C9orf153: variants seen among roughly 807,000 people sequenced by gnomAD.
C9orf153 encodes the protein uncharacterized protein C9orf153.
A neutral mutation model predicts 9.0 loss-of-function variants in C9orf153; 10 were observed. The observed-to-expected ratio is 1.11, with a 90% CI of 0.69 to 1.89. The LOEUF (loss-of-function observed/expected upper bound fraction) is 1.89. Ranked by LOEUF, C9orf153 falls within the 40% of genes most tolerant of loss-of-function variation. C9orf153 has a pLI of 0.00. For synonymous variants in C9orf153, 35 were observed against 37.3 expected, an observed-to-expected ratio of 0.94 and a Z score of 0.23; for missense variants, 108 against 111.0, an observed-to-expected ratio of 0.97 and a Z score of 0.12.
At chr9:86,231,778 G>A (rs1437785061) in intron 1 of C9orf153, among the ~76,000 whole-genome samples, 1 of 152,120 alleles carries the variant, frequency 6.6e-6, no homozygotes, top group Non-Finnish European at 1.5e-5. Flanking sequence ...ATTACAATGA[G>A]ACTTGATTGT....
chr9:86,252,617 GT>G (rs1196068376), intron 1 of C9orf153, among the ~76,000 whole-genome samples: 1 of 152,180 alleles, frequency 6.6e-6, no homozygotes, highest in African/African-American at 2.4e-5. Context: ...CTTAATTGTT[GT>G]GTTAAAATCA....
chr9:86,227,505 A>G, intron 3 of C9orf153: 1 of 1,372,702 alleles, frequency 7.3e-7, no homozygotes, highest in Non-Finnish European at 9.4e-7. Context: ...TGAGATTTCC[A>G]TTCCTTTTCT....
intron 1 of C9orf153, among the ~76,000 whole-genome samples, chr9:86,252,901 C>T (rs539996610): frequency 6.6e-6 from 1 of 152,270 alleles, no homozygotes; most frequent in African/African-American, 2.4e-5. Flanking sequence ...TTACCTGGAG[C>T]TGAACTGATA....
intron 1 of C9orf153, among the ~76,000 whole-genome samples, chr9:86,255,926 GGA>G (rs1825114307): frequency 6.6e-6 from 1 of 152,140 alleles, no homozygotes; most frequent in Non-Finnish European, 1.5e-5. Flanking sequence ...ACTTGGGGAA[GGA>G]GAACTTTGAT....
intron 1 of C9orf153, among the ~76,000 whole-genome samples, chr9:86,239,709 A>G (rs1203214185): frequency 6.6e-6 from 1 of 152,142 alleles, no homozygotes; most frequent in East Asian, 1.9e-4. Flanking sequence ...TGGTTGAACA[A>G]CTCTGTGAAT....
intron 1 of C9orf153, among the ~76,000 whole-genome samples, chr9:86,235,350 T>C (rs1824557946): frequency 6.6e-6 from 1 of 152,132 alleles, no homozygotes; most frequent in Admixed American, 6.5e-5. Flanking sequence ...TCAGAAACAC[T>C]GTCAGAGAAA....
chr9:86,242,360 T>C (rs1182217683), intron 1 of C9orf153, among the ~76,000 whole-genome samples: 1 of 42,668 alleles, frequency 2.3e-5, no homozygotes, highest in Non-Finnish European at 4.4e-5. Context: ...GCTTACATTC[T>C]TTTTTTTTTC....
intron 2 of C9orf153, chr9:86,228,762 G>C (rs1296719724): frequency 6.5e-6 from 1 of 154,070 alleles, no homozygotes; most frequent in African/African-American, 2.4e-5. Flanking sequence ...GCCCAATGCA[G>C]AGTTTTCCTT....
At position 86,221,335 on chromosome 9, in the gene C9orf153, C is replaced by T. The variant is rs1328124663; in HGVS notation, c.*353G>A. 5.0e-6 allele frequency: 1 copy of T among 199,102 alleles called. No homozygotes were observed. Among genetic ancestry groups the T allele is most frequent in the Non-Finnish European group, 9.8e-6 (1 of 101,576 alleles). The allele number at this position is 199,102 out of a possible 1,614,324, so 12.3% of individuals were successfully genotyped here. On this transcript the variant is annotated 3_prime_UTR_variant, in exon 4 of 4. Transcript: ENST00000339137. ...TCTCACGTTAGCAGATTAAATCGGA[C>T]CTTTTGCTCTGTATTAACGGCTTAA...
intron 1 of C9orf153, among the ~76,000 whole-genome samples, chr9:86,233,082 C>G (rs1351473081): frequency 6.6e-6 from 1 of 152,242 alleles, no homozygotes; most frequent in East Asian, 1.9e-4. Context: ...CCTCCCTTCC[C>G]TTCCAACAAC....
At chr9:86,240,133 T>C (rs1824698381) in intron 1 of C9orf153, among the ~76,000 whole-genome samples, 1 of 152,200 alleles carries the variant, frequency 6.6e-6, no homozygotes, top group Admixed American at 6.5e-5. Context: ...TTATCTGATT[T>C]GATCCACCCA....
At chr9:86,244,324 T>G (rs554027499) in intron 1 of C9orf153, among the ~76,000 whole-genome samples, 2 of 152,318 alleles carry the variant, frequency 1.3e-5, no homozygotes, top group South Asian at 4.1e-4. Context: ...TCCTCCCACC[T>G]CAGTCTCTTA....
At chr9:86,242,455 T>C (rs1259806265) in intron 1 of C9orf153, among the ~76,000 whole-genome samples, 1 of 152,168 alleles carries the variant, frequency 6.6e-6, no homozygotes, top group Non-Finnish European at 1.5e-5. Context: ...TAACTTACAT[T>C]TATTCTTAAA....
intron 1 of C9orf153, among the ~76,000 whole-genome samples, chr9:86,236,354 GC>G (rs1444980896): frequency 1.3e-5 from 2 of 151,846 alleles, no homozygotes; most frequent in Non-Finnish European, 2.9e-5. Flanking sequence ...TTCGAGACCA[GC>G]CTGGTCAACA....
At chr9:86,229,197 C>A (rs1824406822) in intron 2 of C9orf153, among the ~76,000 whole-genome samples, 1 of 147,820 alleles carries the variant, frequency 6.8e-6, no homozygotes, top group Non-Finnish European at 1.5e-5. Flanking sequence ...GGACCGATAT[C>A]ATGAAATCTT....
intron 1 of C9orf153, among the ~76,000 whole-genome samples, chr9:86,250,346 C>T (rs1192746176): frequency 6.6e-6 from 1 of 152,120 alleles, no homozygotes; most frequent in East Asian, 1.9e-4. Context: ...CAGAGAACAA[C>T]TTTAGCCTGT....
chr9:86,222,251 C>T (rs746239633), intron 3 of C9orf153, among the ~76,000 whole-genome samples: 6 of 152,040 alleles, frequency 3.9e-5, no homozygotes, highest in Non-Finnish European at 5.9e-5. Context: ...TGCCCCTAAA[C>T]AGCAATTGAG....
chr9:86,234,339 A>G (rs1824534935), intron 1 of C9orf153, among the ~76,000 whole-genome samples: 1 of 152,242 alleles, frequency 6.6e-6, no homozygotes, highest in Non-Finnish European at 1.5e-5. Context: ...TTGAATAGCT[A>G]TTGTGTCATA....
Position 86,232,654 on chromosome 9 carries a change from G to C in C9orf153, c.-26-3025C>G, listed in dbSNP as rs143126520. 2.5e-3 allele frequency among the ~76,000 whole-genome samples: 375 copies of C among 152,004 alleles called. 6 individuals are homozygous for C. Among genetic ancestry groups the C allele is most frequent in the Admixed American group, 0.02 (305 of 15,270 alleles). On this transcript the variant is annotated intron_variant, in intron 1 of 3. Coordinates refer to ENST00000339137, the MANE Select transcript of C9orf153 (RefSeq NM_001276366.4). ...TTCCCTCCAAATCAGAAGGAAAAAA[G>C]TTCTCTCTGCTCATCTAATGTTAAT...
Sources: gnomAD v4.1 joint callset for allele counts (sites outside exome capture counted in the v4.1 genomes callset) on GRCh38, gnomAD v4.1.1 for gene constraint, MANE v1.5 for transcripts, NCBI Gene and HGNC (gene_info 2026-07-23, HGNC 2026-07-21) for gene names.